The following MICAL2 variants were observed in gnomAD, a reference collection of about 807,000 sequenced individuals.
MICAL2 encodes [F-actin]-monooxygenase MICAL2.
Under a neutral mutation model 127.3 loss-of-function variants are expected in MICAL2, and 77 were observed. The ratio of observed to expected loss-of-function variants is 0.60; its 90% CI spans 0.50 to 0.73. The LOEUF is 0.73. Among genes scored for constraint, MICAL2 ranks in the 30% least tolerant of loss-of-function variants. MICAL2 has a pLI of 0.00. For missense variants in MICAL2, 1,351 were observed against 1,434.4 expected, an observed-to-expected ratio of 0.94 and a Z score of 0.94; for synonymous variants, 570 against 551.1, an observed-to-expected ratio of 1.03 and a Z score of -0.48.
At chr11:12,157,965 A>G (rs1421477711) in intron 2 of MICAL2, among the ~76,000 whole-genome samples, 1 of 152,244 alleles carries the variant, frequency 6.6e-6, no homozygotes, top group Non-Finnish European at 1.5e-5. Flanking sequence ...CCAAGTCTAC[A>G]CAGAGAGGAA....
At chr11:12,299,618 T>C (rs56288439) in intron 29 of MICAL2, among the ~76,000 whole-genome samples, 4,985 of 152,340 alleles carry the variant, frequency 0.033, 113 homozygotes, top group African/African-American at 0.066. Flanking sequence ...ATCATTCTTG[T>C]GTATAATTAA....
chr11:12,137,990 G>A (rs1264093699), intron 1 of MICAL2, among the ~76,000 whole-genome samples: 1 of 152,220 alleles, frequency 6.6e-6, no homozygotes, highest in Non-Finnish European at 1.5e-5. Flanking sequence ...TCACACTGGG[G>A]ACTTGTTATC....
intron 21 of MICAL2, among the ~76,000 whole-genome samples, chr11:12,247,962 G>C (rs1223886383): frequency 6.6e-6 from 1 of 152,190 alleles, no homozygotes; most frequent in Admixed American, 6.5e-5. Flanking sequence ...CTTAGTCCTT[G>C]ACAACTTCCT....
intron 8 of MICAL2, among the ~76,000 whole-genome samples, chr11:12,219,430 A>G (rs887275874): frequency 4.5e-4 from 66 of 147,530 alleles, no homozygotes; most frequent in African/African-American, 1.6e-3. Context: ...GGGGAGGCTG[A>G]GGCAGGAGAA....
rs779902299 is a variant in MICAL2, at chr11:12,259,815, G to T, written c.3252G>T (p.Glu1084Asp). Residue 1084 changes from glutamate to aspartate, a missense_variant, in exon 26 of 28, where the codon GAG becomes GAT. By Grantham distance (45) the Glu-to-Asp change is conservative. This residue lies in a region of MICAL2 where 752 missense variants were observed against 719.4 expected (regional missense o/e 1.05). Coordinates refer to ENST00000683283, the MANE Select transcript of MICAL2 (RefSeq NM_001282663.2). ...QQREEEATWQ[E>D]QEAPRRDTPT... Reference sequence around the variant, plus strand: ...CTCAGGAGGAGGCAACATGGCAAGAGCAGGAAGCCCCTCGGAGAGACACTC... The same window carrying T: ...CTCAGGAGGAGGCAACATGGCAAGATCAGGAAGCCCCTCGGAGAGACACTC... 1 of 1,560,332 alleles carries T rather than the reference G, an allele frequency of 6.4e-7. No homozygotes were observed. Among genetic ancestry groups the T allele is most frequent in the East Asian group, 2.3e-5 (1 of 44,094 alleles).
In MICAL2 at chr11:12,227,007, C is replaced by A; in HGVS notation, c.1889-18C>A. 6.3e-7 allele frequency: 1 copy of A among 1,594,132 alleles called. No individual in the cohort carries two copies. Among genetic ancestry groups the A allele is most frequent in the Non-Finnish European group, 8.6e-7 (1 of 1,162,076 alleles). ...AGAGCCAGGTTCCAAATCACAGTTG[C>A]GCTTTATTTCCCAACAGATTCTTGG... On this transcript the variant is annotated intron_variant, in intron 14 of 27. Coordinates refer to ENST00000683283, the MANE Select transcript of MICAL2 (RefSeq NM_001282663.2).
At chr11:12,359,806 T>C (rs906412158), downstream of MICAL2, among the ~76,000 whole-genome samples, 1 of 152,218 alleles carries the variant, frequency 6.6e-6, no homozygotes, top group African/African-American at 2.4e-5. Flanking sequence ...TAAAGAACTC[T>C]TGGTTGTGTA....
intron 2 of MICAL2, among the ~76,000 whole-genome samples, chr11:12,141,929 T>C (rs1297291810): frequency 6.6e-6 from 1 of 152,196 alleles, no homozygotes; most frequent in Non-Finnish European, 1.5e-5. Flanking sequence ...CATTTACAAT[T>C]GTAAAGTATT....
At chr11:12,340,828 A>T (rs550898791) in intron 32 of MICAL2, among the ~76,000 whole-genome samples, 61 of 152,332 alleles carry the variant, frequency 4.0e-4, no homozygotes, top group African/African-American at 1.3e-3. Context: ...AGAAAAACTA[A>T]TTTTTTTGTT....
downstream of MICAL2, chr11:12,292,290 C>A: frequency 6.2e-7 from 1 of 1,614,074 alleles, no homozygotes; most frequent in Non-Finnish European, 8.5e-7. Context: ...GGTTCCTCCC[C>A]GCCTCAGGTG....
intron 29 of MICAL2, among the ~76,000 whole-genome samples, chr11:12,307,560 G>A (rs181219421): frequency 1.3e-5 from 2 of 152,180 alleles, no homozygotes; most frequent in East Asian, 1.9e-4. Context: ...TAGATTTTCG[G>A]CTTCAGCCTT....
At chr11:12,196,654 C>T in intron 3 of MICAL2, among the ~76,000 whole-genome samples, 1 of 152,174 alleles carries the variant, frequency 6.6e-6, no homozygotes. Context: ...TTTCTCTCTT[C>T]TTACCATCTT....
intron 15 of MICAL2, among the ~76,000 whole-genome samples, chr11:12,235,085 G>A (rs1446866241): frequency 4.6e-5 from 7 of 152,144 alleles, no homozygotes; most frequent in Admixed American, 1.3e-4. Flanking sequence ...TTTGGAGAAG[G>A]CTCCCGTGGC....
chr11:12,295,766 T>C (rs983942004), downstream of MICAL2, among the ~76,000 whole-genome samples: 1 of 152,162 alleles, frequency 6.6e-6, no homozygotes, highest in African/African-American at 2.4e-5. Flanking sequence ...GTAGTATACA[T>C]AAATGTGATT....
Position 12,260,122 on chromosome 11 carries a change from G to A in MICAL2, c.3334+225G>A, listed in dbSNP as rs530979147. On this transcript the variant is annotated intron_variant, in intron 26 of 27. Coordinates refer to ENST00000683283, the MANE Select transcript of MICAL2 (RefSeq NM_001282663.2). ...GTACAGGGAATCTGAGGGCTCCCTC[G>A]AGAGCATCTGCAACTGGGTGCTCAG... The A allele has an allele frequency of 5.2e-5, 80 of 1,535,094 alleles. No homozygotes were observed. In the East Asian group the frequency reaches 8.3e-4, roughly 16 times the overall value.
chr11:12,180,739 T>C (rs921082334), intron 3 of MICAL2, among the ~76,000 whole-genome samples: 2 of 144,938 alleles, frequency 1.4e-5, no homozygotes, highest in Non-Finnish European at 3.0e-5. Flanking sequence ...CGGAAGAATG[T>C]GACAGTGTTC....
chr11:12,221,531 C>T (rs1334890948), intron 9 of MICAL2, 113 bp from the exon 10 acceptor site: 1 of 669,628 alleles, frequency 1.5e-6, no homozygotes, highest in African/African-American at 1.8e-5. Flanking sequence ...TGTCACCTCT[C>T]TGTCCCTCCA....
chr11:12,160,791 G>T (rs1053110532), intron 2 of MICAL2, among the ~76,000 whole-genome samples: 1 of 152,192 alleles, frequency 6.6e-6, no homozygotes, highest in Non-Finnish European at 1.5e-5. Flanking sequence ...CTGTGGGCGG[G>T]GCCTGAGCCT....
intron 21 of MICAL2, among the ~76,000 whole-genome samples, chr11:12,246,609 TG>T (rs1327715829): frequency 5.3e-5 from 8 of 152,218 alleles, no homozygotes; most frequent in African/African-American, 1.9e-4. Flanking sequence ...TTAATTTTTT[TG>T]TTTTTTTGGA....
Sources: gnomAD v4.1 joint callset for allele counts (sites outside exome capture counted in the v4.1 genomes callset) on GRCh38, gnomAD v4.1.1 for gene constraint, gnomAD v4.1.1 regional missense constraint, MANE v1.5 for transcripts, NCBI Gene and HGNC (gene_info 2026-07-23, HGNC 2026-07-21) for gene names.